Variants in HIF1A observed in about 807,000 individuals in gnomAD.
The protein encoded by HIF1A is hypoxia-inducible factor 1-alpha.
A neutral mutation model predicts 92.7 loss-of-function variants in HIF1A; 24 were observed. The observed-to-expected ratio is 0.26, with a 90% CI of 0.19 to 0.36. The LOEUF (loss-of-function observed/expected upper bound fraction) is 0.36. Among genes scored for constraint, HIF1A ranks in the 10% least tolerant of loss-of-function variants. The pLI is 1.00. For synonymous variants in HIF1A, 319 were observed against 338.7 expected (o/e 0.94, Z 0.64); for missense variants, 799 against 998.5 (o/e 0.80, Z 2.69).
intron 1 of HIF1A, among the ~76,000 whole-genome samples, chr14:61,710,935 C>T (rs1218448904): frequency 6.6e-6 from 1 of 151,694 alleles, no homozygotes; most frequent in Non-Finnish European, 1.5e-5. Flanking sequence ...TGGCAGGCGC[C>T]TGTAACCCCA....
chr14:61,735,808 G>T (rs1463000180), intron 8 of HIF1A, among the ~76,000 whole-genome samples: 12 of 152,070 alleles, frequency 7.9e-5, no homozygotes, highest in Non-Finnish European at 1.5e-4. Flanking sequence ...TCATTTATCT[G>T]TGTATCTTTA....
intron 1 of HIF1A, among the ~76,000 whole-genome samples, chr14:61,718,568 G>A (rs1404962500): frequency 2.0e-5 from 3 of 152,090 alleles, no homozygotes; most frequent in Non-Finnish European, 4.4e-5. Flanking sequence ...TGCTTATACA[G>A]ATCAAGTCTT....
chr14:61,744,368 A>T (rs922584234), intron 12 of HIF1A, among the ~76,000 whole-genome samples: 1 of 152,052 alleles, frequency 6.6e-6, no homozygotes, highest in African/African-American at 2.4e-5. Context: ...CTACAAAAAT[A>T]TGTATATATA....
chr14:61,709,341 C>T (rs1478802999), intron 1 of HIF1A, among the ~76,000 whole-genome samples: 3 of 152,130 alleles, frequency 2.0e-5, no homozygotes, highest in Non-Finnish European at 2.9e-5. Flanking sequence ...TATTTCAATA[C>T]ACATTAATGT....
At chr14:61,703,493 ATAT>A (rs2044200883) in intron 1 of HIF1A, among the ~76,000 whole-genome samples, 1 of 152,096 alleles carries the variant, frequency 6.6e-6, no homozygotes, top group East Asian at 1.9e-4. Flanking sequence ...TTTTGTCTTG[ATAT>A]TACTTGGCTT....
intron 14 of HIF1A, 72 bp from the exon 15 acceptor site, chr14:61,746,862 C>T (rs1297734801): frequency 8.2e-6 from 10 of 1,222,908 alleles, no homozygotes; most frequent in South Asian, 1.5e-5. Context: ...TGATACCTAA[C>T]ACATTGTGGG....
chr14:61,741,400 G>A (rs1198667057), intron 12 of HIF1A, among the ~76,000 whole-genome samples: 5 of 136,184 alleles, frequency 3.7e-5, no homozygotes, highest in South Asian at 4.5e-4. Flanking sequence ...TCGCTTTGTC[G>A]CCCAGGCTGG....
intron 1 of HIF1A, among the ~76,000 whole-genome samples, chr14:61,714,836 C>G (rs912600627): frequency 6.6e-6 from 1 of 152,092 alleles, no homozygotes; most frequent in Admixed American, 6.5e-5. Flanking sequence ...GAGTTCCAGA[C>G]CAGCCTGGCC....
At chr14:61,706,151 C>T (rs183268202) in intron 1 of HIF1A, among the ~76,000 whole-genome samples, 16 of 152,190 alleles carry the variant, frequency 1.1e-4, no homozygotes, top group African/African-American at 3.6e-4. Context: ...AAAGGATTTA[C>T]AAGCTGAGAA....
intron 4 of HIF1A, among the ~76,000 whole-genome samples, chr14:61,722,679 A>G (rs2044448236): frequency 6.6e-6 from 1 of 152,236 alleles, no homozygotes. Context: ...TTTTAAGACA[A>G]ACAACTGCTT....
intron 10 of HIF1A, among the ~76,000 whole-genome samples, chr14:61,739,592 A>C (rs554755916): frequency 1.3e-5 from 2 of 152,326 alleles, no homozygotes; most frequent in East Asian, 3.9e-4. Context: ...AGAAAAAAAA[A>C]TGTTTGATTC....
At chr14:61,699,937 G>T (rs1360559666) in intron 1 of HIF1A, among the ~76,000 whole-genome samples, 1 of 152,032 alleles carries the variant, frequency 6.6e-6, no homozygotes, top group African/African-American at 2.4e-5. Flanking sequence ...GACACATCAA[G>T]AATTAACTGT....
At chr14:61,717,126 G>A (rs932333600) in intron 1 of HIF1A, 1 of 152,178 alleles carries the variant, frequency 6.6e-6, no homozygotes. Flanking sequence ...GTTGTGCAAT[G>A]TAAGCAGTAA....
At chr14:61,712,740 G>A (rs1348703338) in intron 1 of HIF1A, among the ~76,000 whole-genome samples, 1 of 150,692 alleles carries the variant, frequency 6.6e-6, no homozygotes, top group Non-Finnish European at 1.5e-5. Flanking sequence ...ATGTTGAAAG[G>A]GCAGTCAGCT....
intron 7 of HIF1A, among the ~76,000 whole-genome samples, chr14:61,732,822 A>T (rs111576323): frequency 2.6e-5 from 4 of 152,272 alleles, no homozygotes; most frequent in African/African-American, 9.6e-5. Flanking sequence ...ATAAATACTC[A>T]GAACAGTGGT....
At chr14:61,729,054 C>T (rs2044542007) in intron 6 of HIF1A, among the ~76,000 whole-genome samples, 1 of 152,186 alleles carries the variant, frequency 6.6e-6, no homozygotes, top group South Asian at 2.1e-4. Context: ...CTGGCCCTAA[C>T]TCTGTCTTTG....
intron 6 of HIF1A, among the ~76,000 whole-genome samples, chr14:61,731,108 A>G (rs1035121056): frequency 1.3e-5 from 2 of 151,902 alleles, no homozygotes; most frequent in African/African-American, 4.8e-5. Context: ...AACACAAGCA[A>G]TGTTACTTTT....
chr14:61,737,951 T>G (rs1270088584), intron 9 of HIF1A, 136 bp from the exon 10 acceptor site: 5 of 615,498 alleles, frequency 8.1e-6, no homozygotes, highest in Non-Finnish European at 1.4e-5. Flanking sequence ...TGCTTGAACC[T>G]GGGAGGCAGA....
intron 1 of HIF1A, among the ~76,000 whole-genome samples, chr14:61,713,850 C>T (rs1458443913): frequency 6.6e-6 from 1 of 152,130 alleles, no homozygotes; most frequent in Admixed American, 6.5e-5. Flanking sequence ...ACTGAGCCCT[C>T]AACCTGACAC....
Sources: gnomAD v4.1 joint callset for allele counts (sites outside exome capture counted in the v4.1 genomes callset) on GRCh38, gnomAD v4.1.1 for gene constraint, MANE v1.5 for transcripts, NCBI Gene and HGNC (gene_info 2026-07-23, HGNC 2026-07-21) for gene names.